Variants in GLIS3 observed in about 807,000 individuals in gnomAD.
The protein encoded by GLIS3 is GLIS family zinc finger 3, also known as zinc finger protein GLIS3.
A neutral mutation model predicts 78.6 loss-of-function variants in GLIS3; 53 were observed. The ratio of observed to expected loss-of-function variants is 0.67; its 90% CI spans 0.54 to 0.85. GLIS3 has a LOEUF of 0.85. Among genes scored for constraint, GLIS3 ranks in the 40% least tolerant of loss-of-function variants. GLIS3 has a pLI of 0.00. For missense variants in GLIS3, 1,703 were observed against 1,231.1 expected (o/e 1.38, Z -5.74); for synonymous variants, 684 against 509.9 (o/e 1.34, Z -4.60).
rs138217959 is a variant in GLIS3, at chr9:3,972,527, C to G, written c.1711-35338G>C. Among the ~76,000 whole-genome samples the G allele has an allele frequency of 3.2e-3, 494 of 152,206 alleles. 14 individuals carry two copies. Among genetic ancestry groups the G allele is most frequent in the Non-Finnish European group, 7.5e-4 (51 of 68,006 alleles). On this transcript the variant is annotated intron_variant, in intron 4 of 10. Coordinates refer to ENST00000381971, the MANE Select transcript of GLIS3 (RefSeq NM_001042413.2). ...TTTGGGCTTGCCAGCTTCCATATTT[C>G]TGGTTTCTTGACTGTAGTTTCAAAA... is the stretch of plus-strand genomic sequence containing the variant.
chr9:4,276,384 GAGGGGAGGGAAGGGA>G (rs1342453655), intron 2 of GLIS3, among the ~76,000 whole-genome samples: 6 of 49,352 alleles, frequency 1.2e-4, no homozygotes, highest in Non-Finnish European at 2.5e-4. Context: ...GAGGGGAGGT[GAGGGGAGGGAAGGGA>G]AGGGGAGGGG....
At chr9:4,355,577 G>A in the GLIS3 span, among the ~76,000 whole-genome samples, 4 of 152,146 alleles carry the variant, frequency 2.6e-5, no homozygotes, top group South Asian at 8.3e-4. Context: ...ACTGTAAGAA[G>A]GATCTCAGAA....
intron 6 of GLIS3, among the ~76,000 whole-genome samples, chr9:3,922,386 A>G (rs2130735585): frequency 6.6e-6 from 1 of 152,342 alleles, no homozygotes; most frequent in Middle Eastern, 3.4e-3. Context: ...ATATGCTAAC[A>G]TCTCTGAAAT....
At chr9:4,384,511 C>A in the GLIS3 span, among the ~76,000 whole-genome samples, 2 of 149,356 alleles carry the variant, frequency 1.3e-5, no homozygotes, top group African/African-American at 2.5e-5. Flanking sequence ...TCCCTCCCTT[C>A]CTTCCTTCTT....
intron 2 of GLIS3, among the ~76,000 whole-genome samples, chr9:4,149,458 G>T (rs1298072750): frequency 1.3e-5 from 2 of 152,168 alleles, no homozygotes; most frequent in Non-Finnish European, 2.9e-5. Context: ...CTCCTAGATG[G>T]AGAGAACACA....
At chr9:3,894,387 C>A (rs1822675953) in intron 7 of GLIS3, among the ~76,000 whole-genome samples, 1 of 152,170 alleles carries the variant, frequency 6.6e-6, no homozygotes, top group Non-Finnish European at 1.5e-5. Context: ...ATATGAAGCA[C>A]TTTTACAGAA....
At chr9:4,069,980 A>T (rs1588597202) in intron 4 of GLIS3, among the ~76,000 whole-genome samples, 1 of 152,028 alleles carries the variant, frequency 6.6e-6, no homozygotes, top group Non-Finnish European at 1.5e-5. Context: ...GCCAGGAGAG[A>T]CCCAGGGAAC....
intron 2 of GLIS3, among the ~76,000 whole-genome samples, chr9:4,284,104 A>C (rs896204159): frequency 6.6e-6 from 1 of 152,200 alleles, no homozygotes; most frequent in South Asian, 2.1e-4. Context: ...GACCGCCATC[A>C]AAGTTAGTAT....
At chr9:4,466,642 A>T in the GLIS3 span, among the ~76,000 whole-genome samples, 1 of 152,324 alleles carries the variant, frequency 6.6e-6, no homozygotes, top group East Asian at 1.9e-4. Context: ...GCAAAACCCA[A>T]TTAATAGAGA....
chr9:4,409,465 T>C, the GLIS3 span, among the ~76,000 whole-genome samples: 1 of 152,214 alleles, frequency 6.6e-6, no homozygotes, highest in African/African-American at 2.4e-5. Flanking sequence ...CTTACTAGTA[T>C]ACTTATGGCT....
At chr9:4,215,089 T>C (rs1270172850) in intron 2 of GLIS3, among the ~76,000 whole-genome samples, 1 of 151,822 alleles carries the variant, frequency 6.6e-6, no homozygotes, top group African/African-American at 2.4e-5. Flanking sequence ...TCACAAAGAG[T>C]GGAGCAAAGA....
Position 4,317,835 on chromosome 9 carries a change from A to C in GLIS3, n.265-7307T>G, listed in dbSNP as rs528314061. On this transcript the variant is annotated intron_variant and non_coding_transcript_variant, in intron 2 of 4. Coordinates refer to the GLIS3 transcript ENST00000471664. ...TGAGAGTGAATGAAGTAGCACATGT[A>C]AAAGAGTACTCTGTAAACTTTAAGC... Among the ~76,000 whole-genome samples the C allele has an allele frequency of 1.6e-4, 24 of 152,358 alleles. No individual in the cohort carries two copies. The East Asian group carries it at 4.0e-3, about 26-fold the overall frequency.
chr9:3,859,645 A>C (rs375594688), intron 8 of GLIS3, among the ~76,000 whole-genome samples: 3 of 152,072 alleles, frequency 2.0e-5, no homozygotes, highest in African/African-American at 7.3e-5. Flanking sequence ...GCCAGAAGAG[A>C]CACCTTCTGA....
intron 2 of GLIS3, among the ~76,000 whole-genome samples, chr9:4,345,597 G>C (rs961311182): frequency 6.6e-6 from 1 of 152,156 alleles, no homozygotes; most frequent in Non-Finnish European, 1.5e-5. Context: ...CTTACCAGTT[G>C]CTCTTGTTCC....
At chr9:4,177,416 A>C (rs1232114979) in intron 2 of GLIS3, among the ~76,000 whole-genome samples, 1 of 152,216 alleles carries the variant, frequency 6.6e-6, no homozygotes, top group Non-Finnish European at 1.5e-5. Flanking sequence ...ATCAGCCCCA[A>C]ATTTTGGTTG....
intron 2 of GLIS3, among the ~76,000 whole-genome samples, chr9:4,206,118 G>A (rs1819859032): frequency 6.6e-6 from 1 of 152,098 alleles, no homozygotes; most frequent in Non-Finnish European, 1.5e-5. Flanking sequence ...AAATTATGAA[G>A]GCAAACTCTA....
intron 2 of GLIS3, among the ~76,000 whole-genome samples, chr9:4,260,209 G>T (rs1452655121): frequency 6.6e-6 from 1 of 152,330 alleles, no homozygotes; most frequent in East Asian, 1.9e-4. Context: ...GAGGCAGGCG[G>T]ATCACAAGGT....
At chr9:4,121,555 C>T (rs1832183361) in intron 3 of GLIS3, among the ~76,000 whole-genome samples, 1 of 151,512 alleles carries the variant, frequency 6.6e-6, no homozygotes, top group Non-Finnish European at 1.5e-5. Context: ...GTTAAGTAAA[C>T]TGGATTTTAA....
chr9:4,419,063 T>A, the GLIS3 span, among the ~76,000 whole-genome samples: 3 of 152,192 alleles, frequency 2.0e-5, no homozygotes, highest in African/African-American at 7.2e-5. Flanking sequence ...TCCAATAAAT[T>A]ACAAAATACA....
Sources: allele counts gnomAD v4.1 joint callset (sites outside exome capture counted in the v4.1 genomes callset), GRCh38; gene constraint gnomAD v4.1.1; transcripts MANE v1.5; gene names NCBI Gene and HGNC (gene_info 2026-07-23, HGNC 2026-07-21).